The following NPAS3 variants were observed in gnomAD, a reference collection of about 807,000 sequenced individuals.
NPAS3 encodes neuronal PAS domain-containing protein 3.
NPAS3 carries 14 observed loss-of-function variants against 73.1 expected under a neutral mutation model. The observed-to-expected ratio is 0.19, with a 90% CI of 0.13 to 0.30. The LOEUF (loss-of-function observed/expected upper bound fraction) is 0.30. Ranked by LOEUF, NPAS3 falls within the 10% of genes least tolerant of loss-of-function variation. The probability of loss-of-function intolerance (pLI) is 1.00; values close to 1 mark genes in which losing one functional copy is unlikely to be tolerated. For synonymous variants in NPAS3, 620 were observed against 541.5 expected (o/e 1.14, Z -2.01); for missense variants, 1,096 against 1,250.0 (o/e 0.88, Z 1.86).
At chr14:33,393,967 A>G (rs897679667) in intron 4 of NPAS3, among the ~76,000 whole-genome samples, 25 of 152,164 alleles carry the variant, frequency 1.6e-4, no homozygotes, top group African/African-American at 6.0e-4. Flanking sequence ...CAATCTACCA[A>G]TTCATTAGCA....
intron 4 of NPAS3, among the ~76,000 whole-genome samples, chr14:33,370,932 C>A (rs1479863631): frequency 6.6e-6 from 1 of 152,088 alleles, no homozygotes; most frequent in African/African-American, 2.4e-5. Flanking sequence ...ACTTGGAAAC[C>A]TAAGTCCTGT....
chr14:33,682,364 C>G (rs946475926), intron 6 of NPAS3, among the ~76,000 whole-genome samples: 3 of 152,190 alleles, frequency 2.0e-5, no homozygotes, highest in African/African-American at 7.2e-5. Context: ...ACTACTAATC[C>G]TTTTGTGTAA....
intron 4 of NPAS3, among the ~76,000 whole-genome samples, chr14:33,462,619 A>G (rs1227335569): frequency 6.6e-6 from 1 of 152,062 alleles, no homozygotes; most frequent in East Asian, 1.9e-4. Flanking sequence ...TTTTTAAACC[A>G]CTCATAATGT....
At chr14:32,951,538 A>G (rs2036484467) in intron 1 of NPAS3, among the ~76,000 whole-genome samples, 1 of 152,136 alleles carries the variant, frequency 6.6e-6, no homozygotes, top group Non-Finnish European at 1.5e-5. Context: ...AAAGTGACAT[A>G]TGATGCTAAG....
intron 5 of NPAS3, among the ~76,000 whole-genome samples, chr14:33,660,887 T>C (rs949934955): frequency 2.0e-5 from 3 of 152,184 alleles, no homozygotes; most frequent in Non-Finnish European, 4.4e-5. Context: ...TCCTTAATTA[T>C]ACACCTAAGA....
chr14:33,385,785 T>C (rs1417924127), intron 4 of NPAS3, among the ~76,000 whole-genome samples: 1 of 152,172 alleles, frequency 6.6e-6, no homozygotes, highest in Non-Finnish European at 1.5e-5. Flanking sequence ...TCTGCTCGGG[T>C]TATGTCACTA....
intron 4 of NPAS3, among the ~76,000 whole-genome samples, chr14:33,430,624 T>C (rs1346857593): frequency 6.6e-6 from 1 of 152,204 alleles, no homozygotes; most frequent in Non-Finnish European, 1.5e-5. Flanking sequence ...CACTTTGATA[T>C]TATTCTAGAG....
At chr14:33,000,689 A>G (rs2038775093) in intron 1 of NPAS3, among the ~76,000 whole-genome samples, 1 of 152,248 alleles carries the variant, frequency 6.6e-6, no homozygotes, top group South Asian at 2.1e-4. Flanking sequence ...GATAACAGAT[A>G]AAATAAACAT....
intron 1 of NPAS3, among the ~76,000 whole-genome samples, chr14:33,039,820 G>C (rs962173198): frequency 1.3e-5 from 2 of 152,202 alleles, no homozygotes; most frequent in African/African-American, 4.8e-5. Context: ...ACAGGGGCCT[G>C]GGGTCTGGGA....
intron 2 of NPAS3, among the ~76,000 whole-genome samples, chr14:33,109,462 A>G (rs950387972): frequency 1.1e-4 from 16 of 152,138 alleles, no homozygotes; most frequent in African/African-American, 3.9e-4. Flanking sequence ...GCTTCTGGGG[A>G]TTACATTTCA....
intron 3 of NPAS3, among the ~76,000 whole-genome samples, chr14:33,314,586 C>T (rs193275578): frequency 5.3e-4 from 81 of 152,116 alleles, no homozygotes; most frequent in Admixed American, 3.0e-3. Context: ...GGAAAAAATA[C>T]TCTAATTGGA....
intron 10 of NPAS3, among the ~76,000 whole-genome samples, chr14:33,797,166 C>T (rs2063537008): frequency 6.6e-6 from 1 of 152,186 alleles, no homozygotes; most frequent in African/African-American, 2.4e-5. Flanking sequence ...GGTGTACTGT[C>T]AAGCAGCACA....
At chr14:33,672,353 T>A (rs1446291011) in intron 5 of NPAS3, among the ~76,000 whole-genome samples, 1 of 152,208 alleles carries the variant, frequency 6.6e-6, no homozygotes, top group Admixed American at 6.5e-5. Context: ...CCTTAAACTT[T>A]TCCAAATCAA....
chr14:33,680,638 C>A (rs1221926242), intron 6 of NPAS3: 1 of 702,694 alleles, frequency 1.4e-6, no homozygotes, highest in Admixed American at 2.0e-5. Context: ...TCAGTTTCTT[C>A]TGTAGGACCC....
chr14:33,543,093 C>T (rs1320534315), intron 4 of NPAS3, among the ~76,000 whole-genome samples: 3 of 152,278 alleles, frequency 2.0e-5, no homozygotes, highest in East Asian at 1.9e-4. Flanking sequence ...GCTAAGGGAA[C>T]GCATGCTGAT....
intron 6 of NPAS3, among the ~76,000 whole-genome samples, chr14:33,730,086 C>A (rs2061364244): frequency 1.3e-5 from 2 of 152,070 alleles, no homozygotes; most frequent in African/African-American, 4.8e-5. Context: ...AATAAAGATT[C>A]TATCAATATA....
intron 3 of NPAS3, among the ~76,000 whole-genome samples, chr14:33,292,701 T>A (rs1418030731): frequency 6.6e-6 from 1 of 152,144 alleles, no homozygotes; most frequent in Non-Finnish European, 1.5e-5. Flanking sequence ...GTAGAACTTC[T>A]TTAGTTGTTG....
At chr14:33,253,680 T>C (rs1344571460) in intron 3 of NPAS3, among the ~76,000 whole-genome samples, 3 of 152,072 alleles carry the variant, frequency 2.0e-5, no homozygotes, top group Non-Finnish European at 4.4e-5. Context: ...ATGTCCCCCA[T>C]ATGTCCTTAA....
upstream of NPAS3, chr14:32,934,870 A>C: frequency 1.5e-6 from 1 of 654,510 alleles, no homozygotes; most frequent in Non-Finnish European, 1.9e-6. The surrounding 1 kb of genome is among the most constrained non-coding windows in gnomAD (Gnocchi z 4.1). Flanking sequence ...TCCGGATTTC[A>C]GCGTGCAGGT....
Sources: allele counts gnomAD v4.1 joint callset (sites outside exome capture counted in the v4.1 genomes callset), GRCh38; gene constraint gnomAD v4.1.1; non-coding constraint Gnocchi (gnomAD v3.1); transcripts MANE v1.5; gene names NCBI Gene and HGNC (gene_info 2026-07-23, HGNC 2026-07-21).